The following MPDZ variants were observed in gnomAD, a reference collection of about 807,000 sequenced individuals.
MPDZ encodes multiple PDZ domain protein.
In MPDZ, 234 loss-of-function variants were observed where a neutral mutation model predicts 239.1. That is an observed-to-expected ratio of 0.98 (90% CI 0.88 to 1.09). The LOEUF (loss-of-function observed/expected upper bound fraction) is 1.09. Ranked by LOEUF, MPDZ falls within the 50% of genes least tolerant of loss-of-function variation. The pLI is 0.00. For missense variants in MPDZ, 3,175 were observed against 2,510.0 expected (o/e 1.26, Z -5.66); for synonymous variants, 1,048 against 881.3 (o/e 1.19, Z -3.35).
At chr9:13,185,161 T>C (rs1587616425) in intron 18 of MPDZ, among the ~76,000 whole-genome samples, 1 of 152,020 alleles carries the variant, frequency 6.6e-6, no homozygotes, top group South Asian at 2.1e-4. Flanking sequence ...ATAATACCCA[T>C]GGAGAGCAGG....
chr9:13,162,415 G>A (rs1358750869), intron 23 of MPDZ, among the ~76,000 whole-genome samples: 1 of 151,724 alleles, frequency 6.6e-6, no homozygotes, highest in African/African-American at 2.4e-5. Context: ...ACTCATTTGG[G>A]GCAAATTATC....
At chr9:13,178,126 G>A (rs1952760760) in intron 19 of MPDZ, among the ~76,000 whole-genome samples, 1 of 151,990 alleles carries the variant, frequency 6.6e-6, no homozygotes, top group South Asian at 2.1e-4. Context: ...GGGCGTGGTG[G>A]CTGGTGCCTG....
At position 13,142,766 on chromosome 9, in the gene MPDZ, G is replaced by A. The variant is rs141448874; in HGVS notation, c.3840+700C>T. 1.1e-3 allele frequency among the ~76,000 whole-genome samples: 173 copies of A among 152,148 alleles called. 1 individual carries two copies. Among genetic ancestry groups the A allele is most frequent in the Middle Eastern group, 6.8e-3 (2 of 294 alleles). On this transcript the variant is annotated intron_variant, in intron 27 of 46. Coordinates refer to ENST00000319217, the MANE Select transcript of MPDZ (RefSeq NM_001378778.1). ...TTTGGTTATCCATATCAATAACATG[G>A]TATTTGTTACAATAACATGGAAGTC...
intron 21 of MPDZ, among the ~76,000 whole-genome samples, chr9:13,168,979 G>A (rs1024892925): frequency 6.6e-6 from 1 of 152,044 alleles, no homozygotes; most frequent in Non-Finnish European, 1.5e-5. Context: ...GCAATTATCC[G>A]CTATTACCTT....
intron 17 of MPDZ, 115 bp downstream of exon 17, chr9:13,188,669 G>C: frequency 1.3e-6 from 1 of 775,290 alleles, no homozygotes; most frequent in African/African-American, 1.7e-5. Context: ...TAATCACGTT[G>C]ATGAAAACTA....
intron 23 of MPDZ, among the ~76,000 whole-genome samples, chr9:13,160,830 T>TTATATA (rs58374268): frequency 0.079 from 2,972 of 37,594 alleles, 303 homozygotes; most frequent in East Asian, 0.11. Context: ...ATTATTAAAA[T>TTATATA]TATATATATA....
chr9:13,183,904 T>A (rs904347686), intron 18 of MPDZ, among the ~76,000 whole-genome samples: 1 of 152,032 alleles, frequency 6.6e-6, no homozygotes, highest in Non-Finnish European at 1.5e-5. Flanking sequence ...TTCTTACAGT[T>A]CCCATGCCCA....
At chr9:13,220,046 C>T (rs1043229801) in intron 7 of MPDZ, among the ~76,000 whole-genome samples, 3 of 151,918 alleles carry the variant, frequency 2.0e-5, no homozygotes, top group African/African-American at 7.2e-5. Context: ...GAACTTTTCA[C>T]TTTGATTTCT....
intron 23 of MPDZ, among the ~76,000 whole-genome samples, chr9:13,160,924 A>T (rs1182871509): frequency 7.1e-6 from 1 of 141,602 alleles, no homozygotes; most frequent in Admixed American, 7.4e-5. Flanking sequence ...AGGAATCTAG[A>T]GATGATTTAA....
In MPDZ at chr9:13,147,656, C is replaced by T. The variant is rs377283739; in HGVS notation, c.3633G>A (p.Val1211=). The change falls in exon 26 of 47, where the codon GTG becomes GTA. Residue 1211 remains valine (V), a splice_region_variant and synonymous_variant. Transcript: ENST00000319217. Reference sequence around the variant, plus strand: ...TTGCATCTCTGAGGTCCATTCCATCCACCTGCAATGGAAGGCCTCAGCTTA... The same window carrying T: ...TTGCATCTCTGAGGTCCATTCCATCTACCTGCAATGGAAGGCCTCAGCTTA... The part of the protein sequence containing the change: ...TLKPGDRIVE[V]DGMDLRDASH... 135 of 1,607,920 alleles carry T rather than the reference C, an allele frequency of 8.4e-5. No individual in the cohort carries two copies. Among genetic ancestry groups the T allele is most frequent in the Admixed American group, 1.2e-4 (7 of 59,746 alleles).
At chr9:13,227,567 C>G (rs1396954225) in intron 3 of MPDZ, among the ~76,000 whole-genome samples, 1 of 151,968 alleles carries the variant, frequency 6.6e-6, no homozygotes, top group Non-Finnish European at 1.5e-5. Context: ...CCAGAATGAA[C>G]AAATCGCATC....
chr9:13,231,295 G>A (rs1039370949), intron 3 of MPDZ, among the ~76,000 whole-genome samples: 4 of 152,204 alleles, frequency 2.6e-5, no homozygotes, highest in Non-Finnish European at 4.4e-5. Flanking sequence ...GCCAGGTGCA[G>A]TGGCTCACAC....
At chr9:13,271,510 A>G (rs1972947500) in intron 1 of MPDZ, among the ~76,000 whole-genome samples, 2 of 152,222 alleles carry the variant, frequency 1.3e-5, no homozygotes, top group Admixed American at 1.3e-4. Context: ...CTCCCTTACC[A>G]GTGAGAACAA....
At chr9:13,110,429 T>A (rs1485032672) in intron 44 of MPDZ, among the ~76,000 whole-genome samples, 1 of 152,156 alleles carries the variant, frequency 6.6e-6, no homozygotes, top group African/African-American at 2.4e-5. Context: ...CCTTAAAGTA[T>A]AAAACAATCA....
At chr9:13,265,774 C>A (rs1971662118) in intron 1 of MPDZ, among the ~76,000 whole-genome samples, 2 of 151,900 alleles carry the variant, frequency 1.3e-5, no homozygotes, top group African/African-American at 4.8e-5. Context: ...TGGGGCAGAA[C>A]AATAGGTGGC....
Position 13,107,426 on chromosome 9 carries a change from C to G in MPDZ, c.6067-315G>C, listed in dbSNP as rs146551724. The stretch of plus-strand genomic sequence containing the variant: ...TAATAAAGAATATTTGGGAATTTGC[C>G]TAGTAGGAATGATTCAATAGAATCC... On this transcript the variant is annotated intron_variant, in intron 46 of 46. Coordinates refer to ENST00000319217, the MANE Select transcript of MPDZ (RefSeq NM_001378778.1). Among the ~76,000 whole-genome samples the G allele has an allele frequency of 3.3e-5, 5 of 152,214 alleles. No individual in the cohort carries two copies. In the East Asian group the frequency reaches 9.6e-4, roughly 29 times the overall value.
In MPDZ at chr9:13,218,459, T is replaced by C. The variant is rs777989388; in HGVS notation, c.1086+1100A>G. 4.5e-4 allele frequency among the ~76,000 whole-genome samples: 69 copies of C among 151,914 alleles called. 5 individuals are homozygous for C. ...CAAGTGGTTTTCGGTATTGCATTCA[T>C]TTATATATCGCTGAATAAAATGTTT... On this transcript the variant is annotated intron_variant, in intron 8 of 46. Coordinates refer to ENST00000319217, the MANE Select transcript of MPDZ (RefSeq NM_001378778.1).
chr9:13,160,088 G>T (rs554329485), intron 23 of MPDZ, among the ~76,000 whole-genome samples: 1 of 152,172 alleles, frequency 6.6e-6, no homozygotes, highest in Non-Finnish European at 1.5e-5. Flanking sequence ...CAGCATAGGT[G>T]AGATTTGGAT....
Position 13,121,745 on chromosome 9 carries a change from C to A in MPDZ, c.5225G>T (p.Gly1742Val). The change falls in exon 38 of 47, where the codon GGT becomes GTT. Residue 1742 changes from glycine to valine, a missense_variant. By Grantham distance (109) the Gly-to-Val change is moderately radical. Coordinates refer to ENST00000319217, the MANE Select transcript of MPDZ (RefSeq NM_001378778.1). Reference sequence around the variant, plus strand: ...TTGTCCTCCTCAATCACACCTTTTACCAACAATACTTAATCCTAGGCCTTT... The same window carrying A: ...TTGTCCTCCTCAATCACACCTTTTAACAACAATACTTAATCCTAGGCCTTT... Reference protein sequence around the residue: ...PGKGLGLSIVGKRNDTGVFVS... With the variant: ...PGKGLGLSIVVKRNDTGVFVS... 1 of 1,613,942 alleles carries A rather than the reference C, an allele frequency of 6.2e-7. No individual in the cohort carries two copies. The highest frequency in any genetic ancestry group is 8.5e-7 in the Non-Finnish European group (1 of 1,179,850).
Sources: gnomAD v4.1 joint callset for allele counts (sites outside exome capture counted in the v4.1 genomes callset) on GRCh38, gnomAD v4.1.1 for gene constraint, MANE v1.5 for transcripts, NCBI Gene and HGNC (gene_info 2026-07-23, HGNC 2026-07-21) for gene names.